The following OSMR variants were observed in gnomAD, a reference collection of about 807,000 sequenced individuals.
OSMR encodes oncostatin M receptor, also known as oncostatin-M-specific receptor subunit beta.
Under a neutral mutation model 99.9 loss-of-function variants are expected in OSMR, and 81 were observed. The observed-to-expected ratio is 0.81, with a 90% confidence interval of 0.68 to 0.97. OSMR has a LOEUF of 0.97. OSMR is among the 50% of genes least tolerant of loss of function. The pLI, the probability that OSMR is intolerant of heterozygous loss-of-function variation, is 0.00. For synonymous variants in OSMR, 406 were observed against 410.4 expected, an observed-to-expected ratio of 0.99 and a Z score of 0.13; for missense variants, 1,099 against 1,153.4, an observed-to-expected ratio of 0.95 and a Z score of 0.68.
chr5:38,884,151 C>T (rs764089718), intron 5 of OSMR, 40 bp downstream of exon 5: 2 of 1,362,644 alleles, frequency 1.5e-6, no homozygotes, highest in East Asian at 2.3e-5. Context: ...CTTCTCATTT[C>T]CTGAGGAATA....
At chr5:38,863,459 C>T (rs1245247420) in intron 1 of OSMR, among the ~76,000 whole-genome samples, 1 of 151,862 alleles carries the variant, frequency 6.6e-6, no homozygotes, top group South Asian at 2.1e-4. Flanking sequence ...ATCGCATGAA[C>T]CAGGGAGGCA....
At chr5:38,862,725 G>A (rs1202698571) in intron 1 of OSMR, among the ~76,000 whole-genome samples, 161 of 140,310 alleles carry the variant, frequency 1.1e-3, no homozygotes, top group Middle Eastern at 3.9e-3. Context: ...ATGGGATGGC[G>A]GCCGGGAAGA....
intron 1 of OSMR, among the ~76,000 whole-genome samples, chr5:38,849,016 A>C (rs1467411681): frequency 6.6e-6 from 1 of 152,086 alleles, no homozygotes; most frequent in Non-Finnish European, 1.5e-5. Flanking sequence ...GGGTTCAAGC[A>C]GTCCACCTGC....
At chr5:38,945,542 T>C (rs576800633), downstream of OSMR, 1 of 1,614,144 alleles carries the variant, frequency 6.2e-7, no homozygotes, top group African/African-American at 1.3e-5. Context: ...AAACCCAGAA[T>C]TTCAATACAG....
intron 14 of OSMR, 48 bp downstream of exon 14, chr5:38,924,643 A>G (rs764887890): frequency 7.2e-7 from 1 of 1,392,112 alleles, no homozygotes; most frequent in Non-Finnish European, 1.0e-6. Flanking sequence ...AGATCTCATT[A>G]TTTGAAATCA....
At chr5:38,937,141 TC>T (rs1427293592), downstream of OSMR, among the ~76,000 whole-genome samples, 1 of 152,190 alleles carries the variant, frequency 6.6e-6, no homozygotes, top group Non-Finnish European at 1.5e-5. This position sits in a 1 kb window ranked among gnomAD's most constrained non-coding sequence, Gnocchi z 4.0. Context: ...TTCACACCAT[TC>T]CCTGCCTCGG....
chr5:38,917,936 T>C (rs1746009155), intron 10 of OSMR, among the ~76,000 whole-genome samples: 1 of 152,174 alleles, frequency 6.6e-6, no homozygotes, highest in South Asian at 2.1e-4. Context: ...TTACACATAT[T>C]TAAATAGTCA....
At chr5:38,869,572 G>A (rs902398275) in intron 2 of OSMR, among the ~76,000 whole-genome samples, 3 of 152,114 alleles carry the variant, frequency 2.0e-5, no homozygotes, top group Non-Finnish European at 1.5e-5. Context: ...ATGAGTAAAA[G>A]CAATGAAAAT....
chr5:38,869,121 A>C lies in OSMR; in HGVS notation c.73+4A>C. 6.2e-7 allele frequency: 1 copy of C among 1,600,020 alleles called. No homozygotes were observed. The highest frequency in any genetic ancestry group is 8.6e-7 in the Non-Finnish European group (1 of 1,167,106). The stretch of plus-strand genomic sequence containing the variant: ...TTGAGGACTTACCAGAGTGAAGGTA[A>C]GAAGTGGAAGGAACAGTAAAGACAA... On this transcript the variant is annotated splice_donor_region_variant and intron_variant, in intron 2 of 17. Transcript: ENST00000274276.
downstream of OSMR, chr5:38,945,519 G>A: frequency 6.2e-7 from 1 of 1,613,692 alleles, no homozygotes; most frequent in Non-Finnish European, 8.5e-7. Context: ...CACTCAGTTG[G>A]TTGCTGGGCT....
Position 38,848,461 on chromosome 5 carries a change from A to G in OSMR, c.-14+2074A>G, listed in dbSNP as rs189820426. Among the ~76,000 whole-genome samples, 172 of 152,256 alleles carry G rather than the reference A, an allele frequency of 1.1e-3. 2 individuals carry two copies. The highest frequency in any genetic ancestry group is 0.011 in the Admixed American group (172 of 15,294). ...TCTGCATTTGTGCACTCCACGTTGT[A>G]TTCTATTTTTGTGTTTTAAAAATAA... On this transcript the variant is annotated intron_variant, in intron 1 of 17. Coordinates refer to ENST00000274276, the MANE Select transcript of OSMR (RefSeq NM_003999.3).
intron 12 of OSMR, 30 bp from the exon 13 acceptor site, chr5:38,923,120 A>T: frequency 6.2e-7 from 1 of 1,612,374 alleles, no homozygotes; most frequent in Non-Finnish European, 8.5e-7. Context: ...TCATTCTGTT[A>T]TTAAAAATCT....
Position 38,846,264 on chromosome 5 carries a change from C to T in OSMR, c.-137C>T, listed in dbSNP as rs1366200224. On this transcript the variant is annotated 5_prime_UTR_variant, in exon 1 of 18. Transcript: ENST00000274276. ...CTTCGCAGCCCATCCCGGCTGGACGCGACCGGGAGTGCAGCAGCCCGTTCC... is the reference window on the plus strand; with the variant it reads ...CTTCGCAGCCCATCCCGGCTGGACGTGACCGGGAGTGCAGCAGCCCGTTCC... 6.6e-6 allele frequency: 1 copy of T among 152,294 alleles called. No homozygotes were observed. Among genetic ancestry groups the T allele is most frequent in the Non-Finnish European group, 1.5e-5 (1 of 68,094 alleles). The allele number at this position is 152,294 out of a possible 1,614,324, so 9.4% of individuals were successfully genotyped here. A position where few individuals can be genotyped will look rare whatever the true frequency, so the allele number is the denominator to read the frequency against.
chr5:38,866,328 G>A (rs1383033030), intron 1 of OSMR, among the ~76,000 whole-genome samples: 2 of 152,130 alleles, frequency 1.3e-5, no homozygotes. Context: ...GGGGTGGACT[G>A]GTCCCCAGCC....
intron 9 of OSMR, 144 bp downstream of exon 9, chr5:38,904,647 G>A: frequency 1.1e-6 from 1 of 941,488 alleles, no homozygotes; most frequent in Non-Finnish European, 1.7e-6. Flanking sequence ...TAGATTAGGT[G>A]CCTCATGAGA....
intron 7 of OSMR, among the ~76,000 whole-genome samples, chr5:38,894,340 A>G (rs189946721): frequency 6.6e-6 from 1 of 152,238 alleles, no homozygotes; most frequent in African/African-American, 2.4e-5. Context: ...TCTGGAATGT[A>G]AACAGTCTTA....
At chr5:38,855,904 G>C (rs962607416) in intron 1 of OSMR, among the ~76,000 whole-genome samples, 1 of 152,114 alleles carries the variant, frequency 6.6e-6, no homozygotes, top group Non-Finnish European at 1.5e-5. Context: ...TGCCTGCTCT[G>C]TTCTGCCTGT....
intron 1 of OSMR, among the ~76,000 whole-genome samples, chr5:38,863,162 G>A (rs1181864617): frequency 3.7e-5 from 5 of 134,992 alleles, no homozygotes; most frequent in African/African-American, 1.4e-4. Context: ...TGTAAAGAGG[G>A]AGAGGGAGAC....
chr5:38,898,980 A>G (rs888970274), intron 7 of OSMR, among the ~76,000 whole-genome samples: 2 of 85,514 alleles, frequency 2.3e-5, no homozygotes, highest in Admixed American at 2.5e-4. Flanking sequence ...TTTTTGAGAC[A>G]GAGTCTCACC....
Sources: gnomAD v4.1 joint callset for allele counts (sites outside exome capture counted in the v4.1 genomes callset) on GRCh38, gnomAD v4.1.1 for gene constraint, Gnocchi (gnomAD v3.1) non-coding constraint, MANE v1.5 for transcripts, NCBI Gene and HGNC (gene_info 2026-07-23, HGNC 2026-07-21) for gene names.